TLN2: variants seen among roughly 807,000 people sequenced by gnomAD.
TLN2 encodes the protein talin 2, also known as talin-2.
Under a neutral mutation model 294.7 loss-of-function variants are expected in TLN2, and 118 were observed. The observed-to-expected ratio is 0.40, with a 90% CI of 0.34 to 0.47. The LOEUF is 0.47. Among genes scored for constraint, TLN2 ranks in the 20% least tolerant of loss-of-function variants. The pLI is 0.84. For synonymous variants in TLN2, 1,431 were observed against 1,304.5 expected (o/e 1.10, Z -2.09); for missense variants, 3,083 against 3,282.2 (o/e 0.94, Z 1.48).
intron 1 of TLN2, among the ~76,000 whole-genome samples, chr15:62,553,995 G>C (rs948221246): frequency 6.7e-6 from 1 of 148,314 alleles, no homozygotes; most frequent in African/African-American, 2.5e-5. Context: ...ATTCAGTCTT[G>C]CAGTTTTATT....
intron 45 of TLN2, among the ~76,000 whole-genome samples, chr15:62,785,292 A>C (rs1341224191): frequency 2.0e-5 from 3 of 152,162 alleles, no homozygotes; most frequent in African/African-American, 7.2e-5. Flanking sequence ...TTTATAATTC[A>C]TTTGACTAAC....
chr15:62,437,573 T>C (rs1159360512), intron 1 of TLN2, among the ~76,000 whole-genome samples: 1 of 152,166 alleles, frequency 6.6e-6, no homozygotes, highest in Non-Finnish European at 1.5e-5. Context: ...TAGGTGTTTG[T>C]TGGTATAGGT....
chr15:62,712,615 T>C (rs1025620346), intron 22 of TLN2, among the ~76,000 whole-genome samples: 3 of 152,220 alleles, frequency 2.0e-5, no homozygotes, highest in African/African-American at 7.2e-5. Context: ...CAAAACCTAG[T>C]GATTCTGAAC....
rs560935544 is a variant in TLN2 at position 62,834,907 on chromosome 15, C to T, written c.7129-830C>T. ...GGCAGAGTCCCTATCTGTCCTCCAA[C>T]GAACTTACGTGTTCAAGCATTTAAA... On this transcript the variant is annotated intron_variant, in intron 55 of 58. Coordinates refer to ENST00000636159, the MANE Select transcript of TLN2 (RefSeq NM_015059.3). 3.9e-5 allele frequency: 6 copies of T among 152,316 alleles called. No homozygotes were observed. The South Asian group carries it at 6.2e-4, about 16-fold the overall frequency. The allele number at this position is 152,316 out of a possible 1,614,324, so 9.4% of individuals were successfully genotyped here.
At chr15:62,699,376 T>C (rs1199345493) in intron 16 of TLN2, among the ~76,000 whole-genome samples, 1 of 151,952 alleles carries the variant, frequency 6.6e-6, no homozygotes, top group East Asian at 1.9e-4. Flanking sequence ...GTTGCTGGAC[T>C]CTTCCTCTAT....
Position 62,694,351 on chromosome 15 carries a change from TGAG to T in TLN2, c.1255_1257del (p.Glu419del). The T allele has an allele frequency of 6.2e-7, 1 of 1,614,136 alleles. No homozygotes were observed. Among genetic ancestry groups the T allele is most frequent in the African/African-American group, 1.3e-5 (1 of 75,046 alleles). The stretch of plus-strand genomic sequence containing the variant: ...AAGATCGATTTGGACTAGAAGGTGA[TGAG>T]GAGTCAACCATGTTAGAAGAGTCCG... On this transcript the variant is annotated inframe_deletion, in exon 14 of 59. Coordinates refer to ENST00000636159, the MANE Select transcript of TLN2 (RefSeq NM_015059.3).
rs1268509149 is a variant in TLN2, at chr15:62,810,029, G to A, written c.6768G>A (p.Leu2256=). 6 of 1,613,778 alleles carry A rather than the reference G, an allele frequency of 3.7e-6. No individual in the cohort carries two copies. The highest frequency in any genetic ancestry group is 5.1e-6 in the Non-Finnish European group (6 of 1,179,872). ...ACTTGGACCTCCTGGAGCACGTCTT[G>A]GTGGTAAGAAAGCGCATGAGTCAGG... ...LGYLDLLEHV[L]VILQKPTPEF... The change falls in exon 52 of 59, where the codon TTG becomes TTA. Residue 2256 remains leucine (L), a synonymous_variant. Transcript: ENST00000636159.
intron 45 of TLN2, among the ~76,000 whole-genome samples, chr15:62,786,057 G>A (rs1417493834): frequency 6.6e-6 from 1 of 152,224 alleles, no homozygotes; most frequent in East Asian, 1.9e-4. Context: ...GTGACCTGGA[G>A]TGAAAAGGGG....
chr15:62,629,258 T>C (rs2049564913), intron 3 of TLN2, among the ~76,000 whole-genome samples: 1 of 152,200 alleles, frequency 6.6e-6, no homozygotes, highest in Admixed American at 6.5e-5. Context: ...ACTTCCTTGG[T>C]GTCACCAGCT....
chr15:62,717,957 G>A (rs1055287173), intron 24 of TLN2, among the ~76,000 whole-genome samples: 2 of 152,178 alleles, frequency 1.3e-5, no homozygotes, highest in Admixed American at 6.5e-5. Flanking sequence ...GATCAATGAC[G>A]AGGCCATTTT....
At chr15:62,597,508 C>T (rs558165044) in intron 2 of TLN2, among the ~76,000 whole-genome samples, 3 of 152,290 alleles carry the variant, frequency 2.0e-5, no homozygotes, top group African/African-American at 7.2e-5. Flanking sequence ...GTCACCCCAT[C>T]GCCTCTCTCA....
chr15:62,435,879 A>G (rs906905696), intron 1 of TLN2, among the ~76,000 whole-genome samples: 3 of 152,208 alleles, frequency 2.0e-5, no homozygotes, highest in Admixed American at 2.0e-4. Flanking sequence ...CATCTGTCAC[A>G]TGCTGTGAAT....
At chr15:62,731,235 A>G (rs1407663966) in intron 28 of TLN2, among the ~76,000 whole-genome samples, 1 of 150,574 alleles carries the variant, frequency 6.6e-6, no homozygotes, top group Non-Finnish European at 1.5e-5. Context: ...GTTGAAATCC[A>G]GTATCCTAAT....
intron 11 of TLN2, chr15:62,682,924 CAG>C (rs1446231560): frequency 1.3e-5 from 2 of 152,174 alleles, no homozygotes; most frequent in African/African-American, 2.4e-5. Context: ...GTAAAAACAC[CAG>C]AGAGGGCATT....
intron 55 of TLN2, chr15:62,835,520 C>T (rs2069420736): frequency 1.7e-6 from 1 of 594,728 alleles, no homozygotes; most frequent in Non-Finnish European, 3.0e-6. Flanking sequence ...TTCCTGTCGC[C>T]TCTTGGTGGC....
At chr15:62,803,111 T>G (rs978313582) in intron 50 of TLN2, among the ~76,000 whole-genome samples, 22 of 152,216 alleles carry the variant, frequency 1.4e-4, no homozygotes, top group African/African-American at 5.1e-4. Flanking sequence ...GGAGTAAATG[T>G]TTTTTTCCTT....
intron 1 of TLN2, among the ~76,000 whole-genome samples, chr15:62,502,000 T>TA (rs2039333862): frequency 6.6e-6 from 1 of 152,182 alleles, no homozygotes. Context: ...CTGCATGTGA[T>TA]ATGGCTTTGT....
chr15:62,652,547 C>T (rs1222504213), intron 6 of TLN2, among the ~76,000 whole-genome samples: 1 of 152,180 alleles, frequency 6.6e-6, no homozygotes, highest in East Asian at 1.9e-4. Context: ...AGTCTGCCTC[C>T]TTTCTAATGA....
chr15:62,661,230 G>A (rs892415250), intron 9 of TLN2, among the ~76,000 whole-genome samples: 2 of 152,090 alleles, frequency 1.3e-5, no homozygotes, highest in Non-Finnish European at 2.9e-5. Context: ...AAGTATACAT[G>A]ATAAAATTGA....
Sources: allele counts gnomAD v4.1 joint callset (sites outside exome capture counted in the v4.1 genomes callset), GRCh38; gene constraint gnomAD v4.1.1; transcripts MANE v1.5; gene names NCBI Gene and HGNC (gene_info 2026-07-23, HGNC 2026-07-21).